IQSEC1: variants seen among roughly 807,000 people sequenced by gnomAD.
IQSEC1 encodes IQ motif and SEC7 domain-containing protein 1.
IQSEC1 carries 31 observed loss-of-function variants against 91.0 expected under a neutral mutation model. The ratio of observed to expected loss-of-function variants is 0.34; its 90% CI spans 0.26 to 0.46. IQSEC1 has a LOEUF of 0.46. Ranked by LOEUF, IQSEC1 falls within the 20% of genes least tolerant of loss-of-function variation. IQSEC1 has a pLI of 1.00. For missense variants in IQSEC1, 1,388 were observed against 1,575.6 expected, an observed-to-expected ratio of 0.88 and a Z score of 2.02; for synonymous variants, 699 against 662.6, an observed-to-expected ratio of 1.05 and a Z score of -0.84.
chr3:13,249,167 C>CTTTTTT (rs60976247), intron 1 of IQSEC1, among the ~76,000 whole-genome samples: 4 of 106,726 alleles, frequency 3.7e-5, no homozygotes, highest in Non-Finnish European at 5.7e-5. Context: ...GAAGGAATTT[C>CTTTTTT]TTTTTTTTTT....
chr3:13,215,239 G>T (rs1263884020), intron 1 of IQSEC1, among the ~76,000 whole-genome samples: 1 of 151,802 alleles, frequency 6.6e-6, no homozygotes, highest in Non-Finnish European at 1.5e-5. Flanking sequence ...AGCGGCCAAG[G>T]CTCAGAATGG....
intron 2 of IQSEC1, among the ~76,000 whole-genome samples, chr3:13,154,346 G>A (rs1707046658): frequency 6.8e-6 from 1 of 147,702 alleles, no homozygotes; most frequent in South Asian, 2.2e-4. Context: ...TAGGAACCCA[G>A]GAGGAAGCTC....
intron 1 of IQSEC1, among the ~76,000 whole-genome samples, chr3:13,004,452 A>C (rs1702549449): frequency 6.6e-6 from 1 of 152,134 alleles, no homozygotes; most frequent in African/African-American, 2.4e-5. Context: ...AGCTACACCC[A>C]GGCCCCAGCC....
intron 1 of IQSEC1, among the ~76,000 whole-genome samples, chr3:13,264,693 A>C (rs1695453367): frequency 6.6e-6 from 1 of 151,828 alleles, no homozygotes; most frequent in Non-Finnish European, 1.5e-5. Flanking sequence ...CGAATCAATC[A>C]CTAATTCAAC....
At position 12,899,306 on chromosome 3, in the gene IQSEC1, CGCA is replaced by C; in HGVS notation, c.*1674_*1676del. The C allele has an allele frequency of 6.7e-7, 1 of 1,491,544 alleles. No individual in the cohort carries two copies. Among genetic ancestry groups the C allele is most frequent in the Non-Finnish European group, 9.2e-7 (1 of 1,086,454 alleles). 92.4% of individuals were successfully genotyped at this position (1,491,544 alleles called of 1,614,324 possible). A position where few individuals can be genotyped will look rare whatever the true frequency, so the allele number is the denominator to read the frequency against. ...CCACTGGGAACGCGGCCCCGCGGCCCGCAGAGTCAGGCGTGAGCTTCGCCCTTT... is the reference window on the plus strand; with the variant it reads ...CCACTGGGAACGCGGCCCCGCGGCCCGAGTCAGGCGTGAGCTTCGCCCTTT... On this transcript the variant is annotated 3_prime_UTR_variant, in exon 14 of 14. Coordinates refer to ENST00000613206, the MANE Select transcript of IQSEC1 (RefSeq NM_001134382.3).
chr3:13,111,438 T>G (rs1706242644), intron 2 of IQSEC1, among the ~76,000 whole-genome samples: 1 of 152,206 alleles, frequency 6.6e-6, no homozygotes, highest in African/African-American at 2.4e-5. Flanking sequence ...AGGCCAGTTC[T>G]GCAGGGCTAT....
chr3:13,067,283 G>A (rs1023282180), intron 1 of IQSEC1, among the ~76,000 whole-genome samples: 5 of 152,204 alleles, frequency 3.3e-5, no homozygotes. Flanking sequence ...GGGCTGTGTC[G>A]TCAGTAGGCT....
rs139245045 is a variant in IQSEC1 at position 13,227,536 on chromosome 3, G to A, written c.272+55175C>T. Among the ~76,000 whole-genome samples the A allele has an allele frequency of 4.3e-3, 651 of 152,206 alleles. 2 individuals are homozygous for A. The highest frequency in any genetic ancestry group is 0.015 in the African/African-American group (623 of 41,516). On this transcript the variant is annotated intron_variant, in intron 1 of 15. Transcript: ENST00000648114. Reference sequence around the variant, plus strand: ...GGGGTGATAGTGACACATCGTGCAGGGGCTGTGCCCACTGTGAGGACTCTG... The same window carrying A: ...GGGGTGATAGTGACACATCGTGCAGAGGCTGTGCCCACTGTGAGGACTCTG...
intron 1 of IQSEC1, among the ~76,000 whole-genome samples, chr3:13,250,811 C>A (rs953735014): frequency 6.6e-6 from 1 of 151,896 alleles, no homozygotes; most frequent in African/African-American, 2.4e-5. Flanking sequence ...TTCCCCCACC[C>A]CTGCTGCCAC....
chr3:12,920,382 A>C (rs775020342), intron 6 of IQSEC1, 48 bp downstream of exon 6: 169 of 1,594,170 alleles, frequency 1.1e-4, no homozygotes, highest in Non-Finnish European at 1.3e-4. Context: ...TGGCTGGGGC[A>C]GGTGCTGGAG....
chr3:13,037,423 C>G (rs964427822), intron 1 of IQSEC1, among the ~76,000 whole-genome samples: 1 of 152,154 alleles, frequency 6.6e-6, no homozygotes, highest in Non-Finnish European at 1.5e-5. Context: ...ATACTTAGAC[C>G]GGGGCATGGC....
chr3:13,197,774 A>T (rs1257073240), intron 1 of IQSEC1, among the ~76,000 whole-genome samples: 1 of 152,218 alleles, frequency 6.6e-6, no homozygotes, highest in African/African-American at 2.4e-5. Flanking sequence ...GGGCACACTG[A>T]GGTCCAGAGA....
At position 13,282,934 on chromosome 3, in the gene IQSEC1, C is replaced by G. The variant is rs1470074315; in HGVS notation, c.49G>C (p.Glu17Gln). The change falls in exon 1 of 16, where the codon GAG (glutamate) becomes CAG (glutamine). Residue 17 changes from glutamate (E) to glutamine (Q), a missense_variant. By Grantham distance (29) the Glu-to-Gln change is conservative (BLOSUM62 2). Transcript: ENST00000648114. The surrounding 1 kb of genome is among the most constrained non-coding windows in gnomAD (Gnocchi z 6.4). The stretch of plus-strand genomic sequence containing the variant: ...TGCGCGGCGACGATCCGGGTCAGCT[C>G]CTGCAGGTACTCGGCCGCCTGGCCG... Among the ~76,000 whole-genome samples, 1 of 147,170 alleles carries G rather than the reference C, an allele frequency of 6.8e-6. No homozygotes were observed. Among genetic ancestry groups the G allele is most frequent in the Non-Finnish European group, 1.5e-5 (1 of 66,068 alleles).
intron 6 of IQSEC1, among the ~76,000 whole-genome samples, chr3:12,916,885 A>G (rs1015708065): frequency 1.3e-5 from 2 of 152,210 alleles, no homozygotes. Flanking sequence ...GTAAGTGGGA[A>G]AAGCAAGGTG....
At chr3:12,947,305 G>A (rs751777589) in intron 1 of IQSEC1, among the ~76,000 whole-genome samples, 1 of 152,108 alleles carries the variant, frequency 6.6e-6, no homozygotes, top group African/African-American at 2.4e-5. Flanking sequence ...TGCAAGCTGC[G>A]GCAGGTCAGA....
chr3:12,963,438 G>C (rs1349098300), intron 1 of IQSEC1, among the ~76,000 whole-genome samples: 1 of 152,044 alleles, frequency 6.6e-6, no homozygotes, highest in South Asian at 2.1e-4. Flanking sequence ...CCTCACAAAC[G>C]AGCAAAAAAG....
intron 1 of IQSEC1, among the ~76,000 whole-genome samples, chr3:13,268,833 G>T (rs1421624919): frequency 6.6e-6 from 1 of 152,158 alleles, no homozygotes; most frequent in African/African-American, 2.4e-5. Context: ...GATGAGCAAG[G>T]TATGGCTGCT....
chr3:12,959,880 T>C (rs933070288), intron 1 of IQSEC1, among the ~76,000 whole-genome samples: 7 of 152,228 alleles, frequency 4.6e-5, no homozygotes, highest in African/African-American at 1.7e-4. Context: ...AGGTCCATTA[T>C]CTTCTTGGGC....
At chr3:13,146,069 C>G (rs1020561404) in intron 2 of IQSEC1, among the ~76,000 whole-genome samples, 2 of 152,084 alleles carry the variant, frequency 1.3e-5, no homozygotes, top group African/African-American at 4.8e-5. Context: ...CTCACTGCAG[C>G]CTTGAACTCC....
Sources: gnomAD v4.1 joint callset for allele counts (sites outside exome capture counted in the v4.1 genomes callset) on GRCh38, gnomAD v4.1.1 for gene constraint, Gnocchi (gnomAD v3.1) non-coding constraint, MANE v1.5 for transcripts, NCBI Gene and HGNC (gene_info 2026-07-23, HGNC 2026-07-21) for gene names.